The following RANBP2 variants were observed in gnomAD, a reference collection of about 807,000 sequenced individuals.
RANBP2 encodes the protein E3 SUMO-protein ligase RanBP2.
A neutral mutation model predicts 303.6 loss-of-function variants in RANBP2; 57 were observed. The observed-to-expected ratio is 0.19, with a 90% CI of 0.15 to 0.23. The LOEUF (loss-of-function observed/expected upper bound fraction) is 0.23. Among genes scored for constraint, RANBP2 ranks in the 10% least tolerant of loss-of-function variants. The pLI is 1.00. For synonymous variants in RANBP2, 1,167 were observed against 1,301.5 expected (o/e 0.90, Z 2.23); for missense variants, 3,138 against 3,780.8 (o/e 0.83, Z 4.46).
At chr2:109,699,262 AT>A in the RANBP2 span, among the ~76,000 whole-genome samples, 2 of 150,884 alleles carry the variant, frequency 1.3e-5, no homozygotes, top group East Asian at 3.9e-4. Context: ...TTCTTTGCGC[AT>A]TTTCTTTAGT....
At chr2:109,261,631 T>G in the RANBP2 span, among the ~76,000 whole-genome samples, 2 of 152,148 alleles carry the variant, frequency 1.3e-5, no homozygotes, top group East Asian at 3.9e-4. Context: ...CAGTGTTCAT[T>G]GAGACTCTGA....
chr2:108,845,967 T>G, the RANBP2 span, among the ~76,000 whole-genome samples: 1 of 152,232 alleles, frequency 6.6e-6, no homozygotes, highest in Non-Finnish European at 1.5e-5. Context: ...CATTTTTTTT[T>G]GTTTTATTCT....
At chr2:109,400,033 CGGGGAATCAT>C in the RANBP2 span, among the ~76,000 whole-genome samples, 3 of 152,214 alleles carry the variant, frequency 2.0e-5, no homozygotes, top group Non-Finnish European at 4.4e-5. Context: ...CGCTGATCTG[CGGGGAATCAT>C]GGGGCAGACA....
chr2:109,135,755 A>T, the RANBP2 span, among the ~76,000 whole-genome samples: 4 of 152,198 alleles, frequency 2.6e-5, no homozygotes, highest in Admixed American at 2.0e-4. Context: ...ATCGTCAAGC[A>T]TTACTGGGCA....
At chr2:109,360,525 C>A in the RANBP2 span, among the ~76,000 whole-genome samples, 2 of 152,166 alleles carry the variant, frequency 1.3e-5, no homozygotes, top group African/African-American at 4.8e-5. Context: ...GGGTCCCATA[C>A]CCAAGATATC....
the RANBP2 span, among the ~76,000 whole-genome samples, chr2:108,996,407 A>G: frequency 1.3e-5 from 2 of 152,218 alleles, no homozygotes; most frequent in Non-Finnish European, 2.9e-5. Flanking sequence ...GGTGGCTGGT[A>G]ATGTCCAACC....
chr2:109,017,446 G>T, the RANBP2 span, among the ~76,000 whole-genome samples: 1 of 152,180 alleles, frequency 6.6e-6, no homozygotes, highest in South Asian at 2.1e-4. Flanking sequence ...GAGACCTTGG[G>T]AATCACAGGA....
At chr2:109,472,347 C>T in the RANBP2 span, among the ~76,000 whole-genome samples, 15 of 137,084 alleles carry the variant, frequency 1.1e-4, no homozygotes, top group South Asian at 2.4e-4. Flanking sequence ...TCGGTGGTCT[C>T]GGGCCGGTGT....
At chr2:108,776,152 G>T (rs1435012540) in intron 24 of RANBP2, among the ~76,000 whole-genome samples, 1 of 152,054 alleles carries the variant, frequency 6.6e-6, no homozygotes, top group Non-Finnish European at 1.5e-5. Context: ...GGTTATTAGG[G>T]AATACAAAGC....
chr2:109,078,247 G>GTATATATATATATAGCGTGTATA, the RANBP2 span, among the ~76,000 whole-genome samples: 1 of 56,418 alleles, frequency 1.8e-5, no homozygotes, highest in African/African-American at 7.7e-5. Flanking sequence ...TATATAGCGT[G>GTATATATATATATAGCGTGTATA]TATATATATA....
At chr2:109,280,331 C>T in the RANBP2 span, among the ~76,000 whole-genome samples, 1 of 152,184 alleles carries the variant, frequency 6.6e-6, no homozygotes, top group Admixed American at 6.5e-5. Flanking sequence ...AGAGAGGGGG[C>T]CCCACAGCCA....
At chr2:109,720,321 G>A in the RANBP2 span, among the ~76,000 whole-genome samples, 1 of 151,696 alleles carries the variant, frequency 6.6e-6, no homozygotes, top group Non-Finnish European at 1.5e-5. Flanking sequence ...TCCCTTCAGT[G>A]ACACAGCATC....
At chr2:109,077,560 G>A in the RANBP2 span, among the ~76,000 whole-genome samples, 1 of 150,422 alleles carries the variant, frequency 6.6e-6, no homozygotes, top group African/African-American at 2.4e-5. Context: ...CCATATATCT[G>A]ATAAGGGTGT....
chr2:108,764,380 C>A lies in RANBP2; in HGVS notation c.3841C>A (p.Leu1281Ile), dbSNP rs2149273872. Reference sequence around the variant, plus strand: ...AGATGAGTTGCCAAAACCAGAACAACTTGCTATTAGGTTCAAAACTCCTGA... The same window carrying A: ...AGATGAGTTGCCAAAACCAGAACAAATTGCTATTAGGTTCAAAACTCCTGA... ...YADELPKPEQ[L>I]AIRFKTPEEA... Residue 1281 changes from leucine to isoleucine, a missense_variant, in exon 20 of 29, where the codon CTT becomes ATT. Coordinates refer to ENST00000283195, the MANE Select transcript of RANBP2 (RefSeq NM_006267.5). 1 of 1,613,938 alleles carries A rather than the reference C, an allele frequency of 6.2e-7. No homozygotes were observed. Among genetic ancestry groups the A allele is most frequent in the Non-Finnish European group, 8.5e-7 (1 of 1,179,948 alleles).
chr2:109,074,622 C>A, the RANBP2 span, among the ~76,000 whole-genome samples: 2 of 149,972 alleles, frequency 1.3e-5, no homozygotes, highest in Non-Finnish European at 3.0e-5. Flanking sequence ...ATAGCTTGAA[C>A]CTGGGAAGTG....
At chr2:108,956,115 A>G in the RANBP2 span, among the ~76,000 whole-genome samples, 1 of 152,204 alleles carries the variant, frequency 6.6e-6, no homozygotes, top group Non-Finnish European at 1.5e-5. Flanking sequence ...TATTGTCTTA[A>G]TTATTCTTAA....
the RANBP2 span, chr2:108,910,675 G>C: frequency 1.4e-6 from 2 of 1,450,928 alleles, no homozygotes; most frequent in East Asian, 4.6e-5. Flanking sequence ...GTATGGTTCA[G>C]CATGTGAGAG....
chr2:108,749,386 C>T (rs1675669958), intron 9 of RANBP2, among the ~76,000 whole-genome samples: 1 of 152,078 alleles, frequency 6.6e-6, no homozygotes, highest in Non-Finnish European at 1.5e-5. Flanking sequence ...TAACCTCTGC[C>T]TCCCAGGTTC....
At chr2:109,035,185 G>A in the RANBP2 span, among the ~76,000 whole-genome samples, 1 of 152,164 alleles carries the variant, frequency 6.6e-6, no homozygotes, top group South Asian at 2.1e-4. Flanking sequence ...TACCAAGTCA[G>A]GGCTCCCAAC....
Sources: allele counts gnomAD v4.1 joint callset (sites outside exome capture counted in the v4.1 genomes callset), GRCh38; gene constraint gnomAD v4.1.1; transcripts MANE v1.5; gene names NCBI Gene and HGNC (gene_info 2026-07-23, HGNC 2026-07-21).